Variants in LRP6 observed in about 807,000 individuals in gnomAD.
LRP6 encodes low-density lipoprotein receptor-related protein 6.
A neutral mutation model predicts 184.1 loss-of-function variants in LRP6; 43 were observed. The observed-to-expected ratio is 0.23, with a 90% CI of 0.18 to 0.30. The LOEUF (loss-of-function observed/expected upper bound fraction) is 0.30. Ranked by LOEUF, LRP6 falls within the 10% of genes least tolerant of loss-of-function variation. The pLI is 1.00. For synonymous variants in LRP6, 719 were observed against 684.9 expected, an observed-to-expected ratio of 1.05 and a Z score of -0.78; for missense variants, 1,571 against 2,005.3, an observed-to-expected ratio of 0.78 and a Z score of 4.14.
chr12:12,177,241 T>A (rs1471524468), intron 7 of LRP6, among the ~76,000 whole-genome samples: 1 of 152,060 alleles, frequency 6.6e-6, no homozygotes, highest in Non-Finnish European at 1.5e-5. Flanking sequence ...CAGCTTTCAT[T>A]CTCGGGCATG....
chr12:12,245,440 TGA>T (rs1404802001), intron 1 of LRP6, among the ~76,000 whole-genome samples: 1 of 151,988 alleles, frequency 6.6e-6, no homozygotes, highest in Non-Finnish European at 1.5e-5. Context: ...TGCAAAAGAA[TGA>T]GGGGGAGGAT....
At position 12,135,254 on chromosome 12, in the gene LRP6, A is replaced by G. The variant is rs777320940; in HGVS notation, c.3654T>C (p.Cys1218=). 3.1e-6 allele frequency: 5 copies of G among 1,613,980 alleles called. No homozygotes were observed. In the South Asian group the frequency reaches 3.3e-5, roughly 11 times the overall value. The change falls in exon 17 of 23, where the codon TGT becomes TGC. Residue 1218 remains cysteine (C), a synonymous_variant. Coordinates refer to ENST00000261349, the MANE Select transcript of LRP6 (RefSeq NM_002336.3). The part of the protein sequence containing the change: ...AQDNGGCSHI[C]LVKGDGTTRC... ...TTGTAGTACCATCCCCCTTTACAAG[A>G]CAAATATGTGAACAGCCACCATTAT...
intron 3 of LRP6, among the ~76,000 whole-genome samples, chr12:12,187,665 G>C (rs1301255617): frequency 6.6e-6 from 1 of 152,138 alleles, no homozygotes; most frequent in East Asian, 1.9e-4. Flanking sequence ...ATAAACATGA[G>C]GCCAAAATGG....
At chr12:12,187,556 T>C (rs1489654955) in intron 3 of LRP6, 2 of 212,454 alleles carry the variant, frequency 9.4e-6, no homozygotes, top group African/African-American at 4.6e-5. Context: ...AGTAGATTTA[T>C]ATCAGCAATA....
At chr12:12,207,270 G>A (rs1864086139) in intron 2 of LRP6, among the ~76,000 whole-genome samples, 1 of 152,202 alleles carries the variant, frequency 6.6e-6, no homozygotes, top group African/African-American at 2.4e-5. Flanking sequence ...TGTAATCCCG[G>A]CACTTTGGGA....
At chr12:12,253,562 T>C (rs1051912959) in intron 1 of LRP6, among the ~76,000 whole-genome samples, 2 of 149,330 alleles carry the variant, frequency 1.3e-5, no homozygotes, top group Admixed American at 6.7e-5. Context: ...CTCCTAATGC[T>C]ACCCCTCCCC....
intron 2 of LRP6, among the ~76,000 whole-genome samples, chr12:12,208,114 T>C (rs1331380763): frequency 6.6e-6 from 1 of 152,220 alleles, no homozygotes; most frequent in Non-Finnish European, 1.5e-5. Context: ...GAACTACTTA[T>C]CAATGTCAAG....
At chr12:12,204,987 AG>A (rs367744032) in intron 2 of LRP6, among the ~76,000 whole-genome samples, 23 of 151,932 alleles carry the variant, frequency 1.5e-4, no homozygotes, top group African/African-American at 5.3e-4. Flanking sequence ...AAAAAAAAAT[AG>A]AAAAACTCTT....
chr12:12,139,896 C>T (rs1949905817), intron 15 of LRP6, among the ~76,000 whole-genome samples: 1 of 151,984 alleles, frequency 6.6e-6, no homozygotes, highest in Admixed American at 6.6e-5. Flanking sequence ...GGCCTACAGC[C>T]AGTGAAGCTA....
chr12:12,119,990 A>T lies in LRP6; in HGVS notation c.*1136T>A, dbSNP rs1409510564. ...ACTCAGAAAACAAACAAACAAACAA[A>T]ATATATATATATATATATATATATA... is the stretch of plus-strand genomic sequence containing the variant. On this transcript the variant is annotated 3_prime_UTR_variant, in exon 23 of 23. Transcript: ENST00000261349. The T allele has an allele frequency of 6.8e-4, 31 of 45,510 alleles. No individual in the cohort carries two copies. The highest frequency in any genetic ancestry group is 3.1e-3 in the South Asian group (3 of 980). 2.8% of individuals were successfully genotyped at this position (45,510 alleles called of 1,614,324 possible).
At chr12:12,133,857 G>A (rs1042021035) in intron 17 of LRP6, among the ~76,000 whole-genome samples, 1 of 109,038 alleles carries the variant, frequency 9.2e-6, no homozygotes, top group Non-Finnish European at 2.0e-5. Flanking sequence ...GGGGGGGGGG[G>A]GGGGGAGGGT....
At chr12:12,261,564 A>C (rs995355405) in intron 1 of LRP6, among the ~76,000 whole-genome samples, 3 of 152,188 alleles carry the variant, frequency 2.0e-5, no homozygotes, top group African/African-American at 2.4e-5. Flanking sequence ...CAAATTAACT[A>C]TATGAAACTG....
At chr12:12,153,860 T>C (rs1950114602) in intron 12 of LRP6, among the ~76,000 whole-genome samples, 1 of 152,218 alleles carries the variant, frequency 6.6e-6, no homozygotes, top group African/African-American at 2.4e-5. Flanking sequence ...TGAAGGCATA[T>C]GTGTTCACTG....
In LRP6 at chr12:12,159,817, G is replaced by A. The variant is rs754082302; in HGVS notation, c.2427C>T (p.Asp809=). ...AAGATTCTATTAAGTTGGTGTCCAG[G>A]TCTGTCCAATAAAGCCTCCTTTTAG... ...DYAKRRLYWT[D]LDTNLIESSN... Residue 809 remains aspartate (D), a synonymous_variant, in exon 11 of 23, where the codon GAC becomes GAT. Transcript: ENST00000261349. The A allele has an allele frequency of 2.5e-6, 4 of 1,613,996 alleles. No homozygotes were observed. Among genetic ancestry groups the A allele is most frequent in the East Asian group, 2.2e-5 (1 of 44,886 alleles).
intron 20 of LRP6, 93 bp from the exon 21 acceptor site, chr12:12,125,525 C>T: frequency 1.8e-6 from 2 of 1,107,256 alleles, no homozygotes; most frequent in South Asian, 1.3e-5. Flanking sequence ...CAAATATCAA[C>T]AGTGAAGTAG....
intron 6 of LRP6, among the ~76,000 whole-genome samples, chr12:12,180,802 C>T (rs957662370): frequency 6.6e-6 from 1 of 151,928 alleles, no homozygotes; most frequent in African/African-American, 2.4e-5. Flanking sequence ...CAGACAACAC[C>T]CAAAGTCAGC....
At position 12,216,668 on chromosome 12, in the gene LRP6, A is replaced by G. The variant is rs557997393; in HGVS notation, c.450-13268T>C. The stretch of plus-strand genomic sequence containing the variant: ...GTACTTAAAATTTAAAAAAAAAAAA[A>G]AAGAAAAGAAAAGCTTTGTTAAAGG... On this transcript the variant is annotated intron_variant, in intron 2 of 22. Coordinates refer to ENST00000261349, the MANE Select transcript of LRP6 (RefSeq NM_002336.3). 1.5e-3 allele frequency among the ~76,000 whole-genome samples: 221 copies of G among 151,604 alleles called. 1 individual carries two copies. Among genetic ancestry groups the G allele is most frequent in the African/African-American group, 4.9e-3 (202 of 41,400 alleles).
intron 5 of LRP6, 27 bp from the exon 6 acceptor site, chr12:12,181,466 T>TTTC (rs1186679967): frequency 1.0e-6 from 1 of 981,864 alleles, no homozygotes; most frequent in East Asian, 2.4e-5. Context: ...AAATGAAGAA[T>TTTC]ACTTTGAAAC....
chr12:12,117,024 T>C lies in LRP6; in HGVS notation c.*4102A>G, dbSNP rs1949528226. Reference sequence around the variant, plus strand: ...GTCCAAAGTCTTCTACCATAAAATGTTGAGAATTTCAAAAGCTAAATTTTG... The same window carrying C: ...GTCCAAAGTCTTCTACCATAAAATGCTGAGAATTTCAAAAGCTAAATTTTG... On this transcript the variant is annotated 3_prime_UTR_variant, in exon 23 of 23. Transcript: ENST00000261349. The C allele has an allele frequency of 6.6e-6, 1 of 152,176 alleles. No homozygotes were observed. The highest frequency in any genetic ancestry group is 2.1e-4 in the South Asian group (1 of 4,828). 9.4% of individuals were successfully genotyped at this position (152,176 alleles called of 1,614,324 possible). A position where few individuals can be genotyped will look rare whatever the true frequency, so the allele number is the denominator to read the frequency against.
Sources: allele counts gnomAD v4.1 joint callset (sites outside exome capture counted in the v4.1 genomes callset), GRCh38; gene constraint gnomAD v4.1.1; transcripts MANE v1.5; gene names NCBI Gene and HGNC (gene_info 2026-07-23, HGNC 2026-07-21).